Variants in C8orf34 observed in about 807,000 individuals in gnomAD.
The protein encoded by C8orf34 is chromosome 8 open reading frame 34, also known as uncharacterized protein C8orf34.
C8orf34 carries 65 observed loss-of-function variants against 68.3 expected under a neutral mutation model. The ratio of observed to expected loss-of-function variants is 0.95; its 90% CI spans 0.78 to 1.17. The LOEUF (loss-of-function observed/expected upper bound fraction) is 1.17, where lower values mean the gene tolerates loss of function less well. Among genes scored for constraint, C8orf34 ranks in the 50% most tolerant of loss-of-function variants. C8orf34 has a pLI of 0.00. For synonymous variants in C8orf34, 244 were observed against 241.2 expected, an observed-to-expected ratio of 1.01 and a Z score of -0.11; for missense variants, 664 against 655.4, an observed-to-expected ratio of 1.01 and a Z score of -0.14.
At chr8:68,621,849 A>G (rs1164136240) in intron 7 of C8orf34, among the ~76,000 whole-genome samples, 1 of 152,218 alleles carries the variant, frequency 6.6e-6, no homozygotes, top group Admixed American at 6.5e-5. Context: ...TTCATTATTT[A>G]TAGCTGTGTA....
chr8:68,731,151 G>A (rs890203842), intron 10 of C8orf34, among the ~76,000 whole-genome samples: 6 of 152,122 alleles, frequency 3.9e-5, no homozygotes, highest in African/African-American at 1.2e-4. Flanking sequence ...ACCCACAAGG[G>A]CATTTCCTTT....
At chr8:68,497,929 A>G (rs1813602182) in intron 5 of C8orf34, among the ~76,000 whole-genome samples, 1 of 152,100 alleles carries the variant, frequency 6.6e-6, no homozygotes, top group Non-Finnish European at 1.5e-5. Flanking sequence ...CCCGGGTTCA[A>G]GCGATTTTCC....
chr8:68,582,804 A>G (rs1334930123), intron 7 of C8orf34, among the ~76,000 whole-genome samples: 1 of 152,126 alleles, frequency 6.6e-6, no homozygotes, highest in Non-Finnish European at 1.5e-5. Flanking sequence ...TGCATGTCAC[A>G]TACATCCATA....
chr8:68,332,240 G>A (rs1246781082), intron 1 of C8orf34, among the ~76,000 whole-genome samples: 3 of 152,116 alleles, frequency 2.0e-5, no homozygotes, highest in South Asian at 2.1e-4. Context: ...GCAGGGGTGG[G>A]GCGTGCGGAC....
chr8:68,635,852 C>T (rs1176841427), intron 7 of C8orf34, among the ~76,000 whole-genome samples: 1 of 152,314 alleles, frequency 6.6e-6, no homozygotes, highest in Non-Finnish European at 1.5e-5. Context: ...TCTAATATCT[C>T]TTCTCTATGA....
At chr8:68,645,261 G>A (rs949300482) in intron 8 of C8orf34, among the ~76,000 whole-genome samples, 4 of 152,114 alleles carry the variant, frequency 2.6e-5, no homozygotes, top group African/African-American at 9.7e-5. Context: ...CCAAGGGCGA[G>A]TGGGAAGGCT....
intron 5 of C8orf34, among the ~76,000 whole-genome samples, chr8:68,500,901 C>T (rs923539303): frequency 1.3e-5 from 2 of 152,040 alleles, no homozygotes; most frequent in African/African-American, 4.8e-5. Flanking sequence ...CAAACCACTG[C>T]AGACAGGGAG....
chr8:68,341,348 A>G (rs1368866352), intron 1 of C8orf34, among the ~76,000 whole-genome samples: 1 of 152,216 alleles, frequency 6.6e-6, no homozygotes, highest in East Asian at 1.9e-4. Context: ...TTGGATATCC[A>G]TTGGCAGAAA....
intron 3 of C8orf34, chr8:68,447,132 C>T: frequency 6.5e-6 from 1 of 153,142 alleles, no homozygotes; most frequent in South Asian, 1.9e-4. Flanking sequence ...GGGGTGCACG[C>T]ATCATATGGC....
chr8:68,518,043 T>C (rs1814592391), intron 5 of C8orf34, among the ~76,000 whole-genome samples: 1 of 152,190 alleles, frequency 6.6e-6, no homozygotes, highest in Admixed American at 6.5e-5. Flanking sequence ...ATCAAATATA[T>C]AGAAATGACT....
chr8:68,633,738 G>C (rs1340134800), intron 7 of C8orf34, among the ~76,000 whole-genome samples: 1 of 151,890 alleles, frequency 6.6e-6, no homozygotes, highest in Non-Finnish European at 1.5e-5. Flanking sequence ...AATATCTTAG[G>C]AAAGAAGTCC....
chr8:68,558,928 A>G (rs901043625), intron 7 of C8orf34, among the ~76,000 whole-genome samples: 1 of 151,500 alleles, frequency 6.6e-6, no homozygotes, highest in African/African-American at 2.4e-5. Flanking sequence ...GTACAAAGTA[A>G]GACATGCAGG....
At chr8:68,518,886 C>CAAAA (rs56255310) in intron 5 of C8orf34, among the ~76,000 whole-genome samples, 1,451 of 78,124 alleles carry the variant, frequency 0.019, 109 homozygotes, top group African/African-American at 0.069. Flanking sequence ...GAGCAAGACT[C>CAAAA]AAAAAAAAAA....
rs138961868 is a variant in C8orf34, at chr8:68,543,153, C to T, written c.1105+10004C>T. Among the ~76,000 whole-genome samples, 21 of 152,072 alleles carry T rather than the reference C, an allele frequency of 1.4e-4. No homozygotes were observed. In the East Asian group the frequency reaches 3.7e-3, roughly 27 times the overall value. On this transcript the variant is annotated intron_variant, in intron 7 of 13. Transcript: ENST00000518698. ...TTCAAATATGCATATTATTAATATG[C>T]TTTCATGGTTTAATACCTTCCTAAT... is the stretch of plus-strand genomic sequence containing the variant.
chr8:68,747,663 G>A (rs1822548696), intron 10 of C8orf34, among the ~76,000 whole-genome samples: 1 of 151,976 alleles, frequency 6.6e-6, no homozygotes, highest in Admixed American at 6.6e-5. Flanking sequence ...AAATACCTAG[G>A]AATCCAACTT....
intron 7 of C8orf34, among the ~76,000 whole-genome samples, chr8:68,615,541 A>T (rs1818180474): frequency 6.6e-6 from 1 of 152,202 alleles, no homozygotes; most frequent in Non-Finnish European, 1.5e-5. Context: ...GCATCTATTG[A>T]GATAATCATG....
chr8:68,452,917 G>GT (rs1811404857), intron 3 of C8orf34, among the ~76,000 whole-genome samples: 1 of 151,524 alleles, frequency 6.6e-6, no homozygotes, highest in African/African-American at 2.4e-5. Flanking sequence ...GTGGGTAGTT[G>GT]TTCCATTTTG....
chr8:68,382,873 T>TATTTAC (rs1808101568), intron 1 of C8orf34, among the ~76,000 whole-genome samples: 1 of 152,226 alleles, frequency 6.6e-6, no homozygotes, highest in Non-Finnish European at 1.5e-5. Flanking sequence ...TTTATATTTA[T>TATTTAC]ATCATATCTT....
At chr8:68,520,238 T>A (rs1814691586) in intron 5 of C8orf34, among the ~76,000 whole-genome samples, 1 of 152,222 alleles carries the variant, frequency 6.6e-6, no homozygotes. Context: ...TCTAATTCCT[T>A]TCTGTCACTT....
Sources: allele counts gnomAD v4.1 joint callset (sites outside exome capture counted in the v4.1 genomes callset), GRCh38; gene constraint gnomAD v4.1.1; transcripts MANE v1.5; gene names NCBI Gene and HGNC (gene_info 2026-07-23, HGNC 2026-07-21).